Variants in NFATC2 observed in about 807,000 individuals in gnomAD.
NFATC2 encodes nuclear factor of activated T cells 2, also known as nuclear factor of activated T-cells, cytoplasmic 2.
In NFATC2, 22 loss-of-function variants were observed where a neutral mutation model predicts 87.3. The observed-to-expected ratio is 0.25, with a 90% CI of 0.18 to 0.36. NFATC2 has a LOEUF of 0.36. NFATC2 is among the 10% of genes least tolerant of loss of function. NFATC2 has a pLI of 1.00. For synonymous variants in NFATC2, 565 were observed against 542.2 expected (o/e 1.04, Z -0.58); for missense variants, 1,149 against 1,259.1 (o/e 0.91, Z 1.32).
At position 51,398,685 on chromosome 20, in the gene NFATC2, T is replaced by C. The variant is rs1160709109; in HGVS notation, c.*2A>G. The stretch of plus-strand genomic sequence containing the variant: ...CGGATCAAAGATCACAGTCATTCTG[T>C]TTCATAATATGTTTTGTATCCAGCT... On this transcript the variant is annotated 3_prime_UTR_variant, in exon 10 of 11. Coordinates refer to ENST00000371564, the MANE Select transcript of NFATC2 (RefSeq NM_012340.5). 1 of 1,613,392 alleles carries C rather than the reference T, an allele frequency of 6.2e-7. No individual in the cohort carries two copies. Among genetic ancestry groups the C allele is most frequent in the Non-Finnish European group, 8.5e-7 (1 of 1,179,638 alleles).
chr20:51,487,810 GA>G (rs11303169), intron 3 of NFATC2, among the ~76,000 whole-genome samples: 27,398 of 146,292 alleles, frequency 0.19, 4,240 homozygotes, highest in African/African-American at 0.42. Flanking sequence ...CCACAAGGGG[GA>G]AAAAAAAAAA....
chr20:51,555,473 GTCC>G (rs1358124922), intron 1 of NFATC2, among the ~76,000 whole-genome samples: 2 of 152,002 alleles, frequency 1.3e-5, no homozygotes, highest in Non-Finnish European at 2.9e-5. Context: ...GGCGCCTGTA[GTCC>G]CAGCTACTTG....
intron 9 of NFATC2, among the ~76,000 whole-genome samples, chr20:51,410,089 A>T (rs1223442359): frequency 6.6e-6 from 1 of 152,042 alleles, no homozygotes; most frequent in Non-Finnish European, 1.5e-5. Flanking sequence ...GGGCGCCTGT[A>T]GTCCCACCTA....
At chr20:51,431,426 C>A (rs1982686674) in intron 9 of NFATC2, among the ~76,000 whole-genome samples, 2 of 152,182 alleles carry the variant, frequency 1.3e-5, no homozygotes, top group Non-Finnish European at 2.9e-5. Context: ...CAGACTCACA[C>A]AAAGCCTCCT....
Position 51,432,551 on chromosome 20 carries a change from G to A in NFATC2, c.2238C>T (p.Asn746=). 1 of 1,545,196 alleles carries A rather than the reference G, an allele frequency of 6.5e-7. No homozygotes were observed. Among genetic ancestry groups the A allele is most frequent in the Non-Finnish European group, 8.7e-7 (1 of 1,147,318 alleles). The change falls in exon 9 of 11, where the codon AAC becomes AAT. Residue 746 remains asparagine, a synonymous_variant. Coordinates refer to ENST00000371564, the MANE Select transcript of NFATC2 (RefSeq NM_012340.5). The surrounding 1 kb of genome is among the most constrained non-coding windows in gnomAD (Gnocchi z 4.6). ...TCCGCTGGTAGAGTACGGCCGCTGG[G>A]TTCTGTTGCTGGTAGCGGGCGTCAG... is the stretch of plus-strand genomic sequence containing the variant. ...SSPDARYQQQ[N]PAAVLYQRSK... is the part of the protein sequence containing the mutation.
At chr20:51,527,636 T>A (rs1383615022) in intron 1 of NFATC2, among the ~76,000 whole-genome samples, 2 of 152,180 alleles carry the variant, frequency 1.3e-5, no homozygotes, top group Non-Finnish European at 2.9e-5. Context: ...ATGAGGCAAG[T>A]TCAGAAAAGT....
chr20:51,527,608 G>A (rs1156313084), intron 1 of NFATC2, among the ~76,000 whole-genome samples: 1 of 152,188 alleles, frequency 6.6e-6, no homozygotes, highest in East Asian at 1.9e-4. Flanking sequence ...CCTCAGAAAG[G>A]ATGTGTTGGC....
rs771986804 is a variant in NFATC2, at chr20:51,523,770, G to C, written c.471C>G (p.Gly157=). Residue 157 remains glycine, a synonymous_variant, in exon 2 of 11, where the codon GGC becomes GGG. Transcript: ENST00000371564. This position sits in a 1 kb window ranked among gnomAD's most constrained non-coding sequence, Gnocchi z 6.9. The part of the protein sequence containing the change: ...ASPRFTLPVP[G]FEGYREPLCL... Reference sequence around the variant, plus strand: ...AAAGCGGCTCGCGGTAGCCCTCGAAGCCGGGCACGGGCAGGGTGAACCTCG... The same window carrying C: ...AAAGCGGCTCGCGGTAGCCCTCGAACCCGGGCACGGGCAGGGTGAACCTCG... 6.2e-7 allele frequency: 1 copy of C among 1,609,260 alleles called. No homozygotes were observed. The highest frequency in any genetic ancestry group is 1.1e-5 in the South Asian group (1 of 90,874).
intron 10 of NFATC2, among the ~76,000 whole-genome samples, chr20:51,392,180 C>T (rs566429897): frequency 2.0e-5 from 3 of 152,310 alleles, no homozygotes; most frequent in African/African-American, 4.8e-5. Flanking sequence ...ATAAAACTTA[C>T]GGTTCTCAAA....
Position 51,432,679 on chromosome 20 carries a change from TC to T in NFATC2, c.2109del (p.Ser704AlafsTer55). ...GGGTGCTGGGGGTAGTAAGGCTGGC[TC>T]CCCAGGCCTCCATGGGTGGGGCTGC... is the stretch of plus-strand genomic sequence containing the variant. Reference protein sequence around the residue: ...LICSPTHGGLGSQPYYPQHPM... With the variant: ...LICSPTHGGLXSQPYYPQHPM... On this transcript the variant is annotated frameshift_variant, in exon 9 of 11. Transcript: ENST00000371564. LOFTEE classifies it high-confidence loss of function. The surrounding 1 kb of genome is among the most constrained non-coding windows in gnomAD (Gnocchi z 4.6). The T allele has an allele frequency of 6.4e-7, 1 of 1,571,514 alleles. No homozygotes were observed. The highest frequency in any genetic ancestry group is 8.6e-7 in the Non-Finnish European group (1 of 1,165,990).
In NFATC2 at chr20:51,398,699, T is replaced by C; in HGVS notation, c.2754A>G (p.Gln918=). The change falls in exon 10 of 11, where the codon CAA becomes CAG. Residue 918 remains glutamine, a synonymous_variant. Transcript: ENST00000371564. ...ELIDTHLSWI[Q]NIL The stretch of plus-strand genomic sequence containing the variant: ...CAGTCATTCTGTTTCATAATATGTT[T>C]TGTATCCAGCTAAGGTGTGTGTCTA... 6.2e-7 allele frequency: 1 copy of C among 1,613,516 alleles called. No individual in the cohort carries two copies. The highest frequency in any genetic ancestry group is 8.5e-7 in the Non-Finnish European group (1 of 1,179,680).
At chr20:51,403,927 G>A (rs1037056792) in intron 9 of NFATC2, among the ~76,000 whole-genome samples, 4 of 152,112 alleles carry the variant, frequency 2.6e-5, no homozygotes, top group Non-Finnish European at 5.9e-5. Context: ...CCAAAGTCTC[G>A]GTCTATGCTC....
At chr20:51,487,188 C>G (rs894426382) in intron 3 of NFATC2, among the ~76,000 whole-genome samples, 8 of 152,210 alleles carry the variant, frequency 5.3e-5, no homozygotes, top group African/African-American at 1.4e-4. Flanking sequence ...AGCAGGGGAT[C>G]CCCAAGAGAC....
At chr20:51,515,471 T>C (rs1341204019) in intron 3 of NFATC2, among the ~76,000 whole-genome samples, 1 of 152,192 alleles carries the variant, frequency 6.6e-6, no homozygotes, top group African/African-American at 2.4e-5. Flanking sequence ...CTAAGCCCCA[T>C]CAAGTTAGAT....
chr20:51,428,974 C>T (rs1410568411), intron 9 of NFATC2, among the ~76,000 whole-genome samples: 1 of 152,190 alleles, frequency 6.6e-6, no homozygotes, highest in Non-Finnish European at 1.5e-5. Flanking sequence ...ACGAAAGGGA[C>T]AGAAAAGGAC....
At chr20:51,403,699 G>C (rs1053052760) in intron 9 of NFATC2, among the ~76,000 whole-genome samples, 1 of 152,162 alleles carries the variant, frequency 6.6e-6, no homozygotes, top group African/African-American at 2.4e-5. Context: ...TGTCTCACAG[G>C]AGAACACAAT....
At chr20:51,545,821 T>A (rs144219619), upstream of NFATC2, among the ~76,000 whole-genome samples, 123 of 152,088 alleles carry the variant, frequency 8.1e-4, no homozygotes, top group Middle Eastern at 0.01. Flanking sequence ...GAATGAAAGA[T>A]ACATGGATGG....
At chr20:51,540,603 C>A (rs2076791346) in intron 1 of NFATC2, among the ~76,000 whole-genome samples, 1 of 142,070 alleles carries the variant, frequency 7.0e-6, no homozygotes, top group Non-Finnish European at 1.5e-5. Flanking sequence ...TCTGTGCTAT[C>A]TTTGCAACTT....
At chr20:51,491,939 C>G (rs945954005) in intron 3 of NFATC2, among the ~76,000 whole-genome samples, 1 of 146,208 alleles carries the variant, frequency 6.8e-6, no homozygotes, top group African/African-American at 2.6e-5. Flanking sequence ...CAGCCCTACT[C>G]CCTGTGAAAG....
Sources: gnomAD v4.1 joint callset for allele counts (sites outside exome capture counted in the v4.1 genomes callset) on GRCh38, gnomAD v4.1.1 for gene constraint, Gnocchi (gnomAD v3.1) non-coding constraint, MANE v1.5 for transcripts, NCBI Gene and HGNC (gene_info 2026-07-23, HGNC 2026-07-21) for gene names.